Variants in FAT3 observed in about 807,000 individuals in gnomAD.
FAT3 encodes FAT atypical cadherin 3, also known as protocadherin Fat 3.
Under a neutral mutation model 310.2 loss-of-function variants are expected in FAT3, and 95 were observed. The ratio of observed to expected loss-of-function variants is 0.31; its 90% CI spans 0.26 to 0.36. The LOEUF is 0.36. Among genes scored for constraint, FAT3 ranks in the 10% least tolerant of loss-of-function variants. The pLI is 1.00. For synonymous variants in FAT3, 2,314 were observed against 2,192.9 expected (o/e 1.06, Z -1.54); for missense variants, 5,408 against 5,715.6 (o/e 0.95, Z 1.74).
chr11:92,297,593 A>G (rs1316483475), intron 1 of FAT3, among the ~76,000 whole-genome samples: 2 of 152,118 alleles, frequency 1.3e-5, no homozygotes, highest in African/African-American at 2.4e-5. Context: ...GACAAAACTC[A>G]TGACCAAGAG....
intron 3 of FAT3, among the ~76,000 whole-genome samples, chr11:92,696,128 A>G (rs943262296): frequency 5.3e-5 from 8 of 151,120 alleles, no homozygotes; most frequent in South Asian, 2.1e-4. Flanking sequence ...TACCATGTGT[A>G]TATATATATA....
chr11:92,487,226 T>C (rs1952440159), intron 2 of FAT3, among the ~76,000 whole-genome samples: 1 of 152,104 alleles, frequency 6.6e-6, no homozygotes, highest in African/African-American at 2.4e-5. Context: ...ATCCATGCCT[T>C]CCAAGAGGGC....
At chr11:92,510,703 A>G (rs1415593895) in intron 2 of FAT3, among the ~76,000 whole-genome samples, 2 of 152,188 alleles carry the variant, frequency 1.3e-5, no homozygotes, top group East Asian at 3.8e-4. Context: ...AGACAAGGAG[A>G]GCTGTCCATT....
In FAT3 at chr11:92,370,522, C is replaced by T. The variant is rs1949156263; in HGVS notation, c.3292+15118C>T. On this transcript the variant is annotated intron_variant, in intron 2 of 27. Transcript: ENST00000525166. Reference sequence around the variant, plus strand: ...ATTTCTTTCTTACACCTTGAGGATACTTCTAATAGAATATTTGGTTAATAA... The same window carrying T: ...ATTTCTTTCTTACACCTTGAGGATATTTCTAATAGAATATTTGGTTAATAA... Among the ~76,000 whole-genome samples the T allele has an allele frequency of 2.6e-5, 4 of 152,280 alleles. No individual in the cohort carries two copies. The South Asian group carries it at 8.3e-4, about 32-fold the overall frequency.
chr11:92,473,118 A>G (rs1037261175), intron 2 of FAT3, among the ~76,000 whole-genome samples: 5 of 152,116 alleles, frequency 3.3e-5, no homozygotes, highest in African/African-American at 1.2e-4. Context: ...ACATATCACT[A>G]TCTACACATG....
chr11:92,389,270 A>G (rs571963528), intron 2 of FAT3, among the ~76,000 whole-genome samples: 148 of 151,508 alleles, frequency 9.8e-4, no homozygotes, highest in Non-Finnish European at 1.7e-3. Flanking sequence ...GATTTCTCAC[A>G]GTTCTGGAAA....
Position 92,355,165 on chromosome 11 carries a change from C to A in FAT3, c.3053C>A (p.Pro1018His). The A allele has an allele frequency of 6.2e-7, 1 of 1,613,780 alleles. No homozygotes were observed. The highest frequency in any genetic ancestry group is 8.5e-7 in the Non-Finnish European group (1 of 1,179,822). ...LTVRAKDKGR[P>H]VSLSSVSFVE... ...GTGCGGGCCAAAGACAAAGGGCGGC[C>A]TGTCTCTCTGTCATCTGTTTCCTTT... Residue 1018 changes from proline (P) to histidine (H), a missense_variant, in exon 2 of 28, where the codon CCT becomes CAT. Pro to His is a moderately conservative substitution (Grantham distance 77). Around this residue, in one of 5 missense-constraint regions of FAT3, gnomAD observed 4,588 missense variants for 4,809.8 expected, o/e 0.95. Coordinates refer to ENST00000525166, the MANE Select transcript of FAT3 (RefSeq NM_001367949.2).
chr11:92,358,951 TA>T (rs1948806580), intron 2 of FAT3, among the ~76,000 whole-genome samples: 1 of 152,196 alleles, frequency 6.6e-6, no homozygotes, highest in South Asian at 2.1e-4. Flanking sequence ...TTAAGTCTTT[TA>T]AAACCTTTAA....
chr11:92,742,763 A>G (rs1945544095), intron 4 of FAT3, among the ~76,000 whole-genome samples: 1 of 152,222 alleles, frequency 6.6e-6, no homozygotes, highest in South Asian at 2.1e-4. Flanking sequence ...TGTGAGCCAA[A>G]TAAACTTCTA....
chr11:92,848,368 G>A (rs1298383107), intron 19 of FAT3, among the ~76,000 whole-genome samples: 1 of 152,090 alleles, frequency 6.6e-6, no homozygotes, highest in Non-Finnish European at 1.5e-5. Flanking sequence ...GAACTTCAGA[G>A]GTGCAATGAA....
chr11:92,801,625 A>T lies in FAT3; in HGVS notation c.8612A>T (p.Asn2871Ile). ...KVMEAFNIDS[N>I]TGWISTLKDL... Reference sequence around the variant, plus strand: ...ATGGAAGCATTCAATATTGACAGCAACACGGGCTGGATCAGTACCTTGAAG... The same window carrying T: ...ATGGAAGCATTCAATATTGACAGCATCACGGGCTGGATCAGTACCTTGAAG... The change falls in exon 10 of 28, where the codon AAC (asparagine) becomes ATC (isoleucine). Residue 2871 changes from asparagine to isoleucine, a missense_variant. Physicochemically the swap from Asn to Ile is moderately radical, Grantham distance 149. Transcript: ENST00000525166. 1.9e-6 allele frequency: 3 copies of T among 1,613,700 alleles called. No homozygotes were observed. Among genetic ancestry groups the T allele is most frequent in the Non-Finnish European group, 2.5e-6 (3 of 1,179,786 alleles).
At chr11:92,701,997 G>A (rs1021916054) in intron 4 of FAT3, among the ~76,000 whole-genome samples, 2 of 152,212 alleles carry the variant, frequency 1.3e-5, no homozygotes, top group Non-Finnish European at 1.5e-5. Context: ...GGAAAGCTCA[G>A]ATGTTAAATT....
At chr11:92,539,202 TG>T (rs1238107875) in intron 3 of FAT3, among the ~76,000 whole-genome samples, 1 of 152,122 alleles carries the variant, frequency 6.6e-6, no homozygotes, top group Non-Finnish European at 1.5e-5. Flanking sequence ...GCCCGGGAAA[TG>T]GGGATATTTA....
intron 4 of FAT3, among the ~76,000 whole-genome samples, chr11:92,722,108 A>G (rs527833089): frequency 9.9e-5 from 15 of 152,132 alleles, no homozygotes; most frequent in Admixed American, 3.9e-4. Context: ...CATTAACTCA[A>G]AAGTCCACAG....
chr11:92,264,058 A>G (rs1386915139), intron 1 of FAT3, among the ~76,000 whole-genome samples: 4 of 152,118 alleles, frequency 2.6e-5, no homozygotes, highest in South Asian at 2.1e-4. Context: ...TACTTGAGCT[A>G]TTGACCAATC....
At chr11:92,530,862 G>T (rs1005857714) in intron 3 of FAT3, among the ~76,000 whole-genome samples, 60 of 151,384 alleles carry the variant, frequency 4.0e-4, no homozygotes, top group African/African-American at 1.4e-3. Flanking sequence ...TAGGAAAAGA[G>T]GAGGAAACCT....
At chr11:92,272,660 G>A (rs181844557) in intron 1 of FAT3, among the ~76,000 whole-genome samples, 2 of 152,132 alleles carry the variant, frequency 1.3e-5, no homozygotes, top group Middle Eastern at 3.4e-3. Context: ...TGGGAGAGGT[G>A]CCGTTTAAGG....
chr11:92,522,664 T>C (rs1009619959), intron 2 of FAT3, among the ~76,000 whole-genome samples: 1 of 152,136 alleles, frequency 6.6e-6, no homozygotes, highest in South Asian at 2.1e-4. Context: ...TCACAAACAT[T>C]ACTTTCTGAT....
Position 92,799,025 on chromosome 11 carries a change from C to T in FAT3, c.6012C>T (p.Val2004=). Residue 2004 remains valine (V), a synonymous_variant, in exon 10 of 28, where the codon GTC becomes GTT. Coordinates refer to ENST00000525166, the MANE Select transcript of FAT3 (RefSeq NM_001367949.2). ...NNTNITKVAI[V]NAVGNRLNEP... is the part of the protein sequence containing the mutation. ...CTAACATAACCAAAGTTGCTATTGT[C>T]AATGCAGTTGGAAATCGCCTTAATG... The T allele has an allele frequency of 1.9e-6, 3 of 1,613,870 alleles. No individual in the cohort carries two copies. Among genetic ancestry groups the T allele is most frequent in the Admixed American group, 1.7e-5 (1 of 60,010 alleles).
Sources: gnomAD v4.1 joint callset for allele counts (sites outside exome capture counted in the v4.1 genomes callset) on GRCh38, gnomAD v4.1.1 for gene constraint, gnomAD v4.1.1 regional missense constraint, MANE v1.5 for transcripts, NCBI Gene and HGNC (gene_info 2026-07-23, HGNC 2026-07-21) for gene names.